The following PTPRE variants were observed in gnomAD, a reference collection of about 807,000 sequenced individuals.
PTPRE encodes the protein receptor-type tyrosine-protein phosphatase epsilon.
Under a neutral mutation model 102.0 loss-of-function variants are expected in PTPRE, and 51 were observed. The ratio of observed to expected loss-of-function variants is 0.50; its 90% CI spans 0.40 to 0.63. PTPRE has a LOEUF of 0.63. PTPRE is among the 30% of genes least tolerant of loss of function. The pLI is 0.00. For synonymous variants in PTPRE, 345 were observed against 348.2 expected, an observed-to-expected ratio of 0.99 and a Z score of 0.10; for missense variants, 752 against 915.1, an observed-to-expected ratio of 0.82 and a Z score of 2.30.
At chr10:128,082,195 CTTTTTTTTTTT>C (rs35709074) in intron 20 of PTPRE, among the ~76,000 whole-genome samples, 3,101 of 89,120 alleles carry the variant, frequency 0.035, 429 homozygotes, top group African/African-American at 0.13. Flanking sequence ...TTTTCTCTTT[CTTTTTTTTTTT>C]TTTTTTTTTT....
intron 1 of PTPRE, among the ~76,000 whole-genome samples, chr10:127,923,022 T>C (rs1329717525): frequency 1.3e-5 from 2 of 152,224 alleles, no homozygotes; most frequent in Non-Finnish European, 2.9e-5. Context: ...CAGTGGCAGC[T>C]CTGTGGGCAG....
At chr10:127,989,841 G>A (rs1852454237) in intron 2 of PTPRE, among the ~76,000 whole-genome samples, 1 of 152,196 alleles carries the variant, frequency 6.6e-6, no homozygotes, top group South Asian at 2.1e-4. Flanking sequence ...ATTTCTGCAT[G>A]TTATCTGCTG....
intron 2 of PTPRE, among the ~76,000 whole-genome samples, chr10:127,996,644 T>C (rs1212982025): frequency 6.6e-6 from 1 of 152,174 alleles, no homozygotes; most frequent in Non-Finnish European, 1.5e-5. Context: ...CAGCCTTGTT[T>C]CATGTCAGCA....
intron 1 of PTPRE, among the ~76,000 whole-genome samples, chr10:127,943,603 C>T (rs1848405741): frequency 6.6e-6 from 1 of 152,226 alleles, no homozygotes; most frequent in African/African-American, 2.4e-5. Flanking sequence ...ACCCCAAGCC[C>T]CAGAAGTTCT....
intron 2 of PTPRE, among the ~76,000 whole-genome samples, chr10:128,027,245 G>T (rs574093913): frequency 2.0e-5 from 3 of 152,356 alleles, no homozygotes; most frequent in Admixed American, 6.5e-5. Flanking sequence ...ATTAACTCTG[G>T]CCTTGCTGGC....
At chr10:127,994,227 A>G (rs1025935426) in intron 2 of PTPRE, among the ~76,000 whole-genome samples, 1 of 152,224 alleles carries the variant, frequency 6.6e-6, no homozygotes, top group Non-Finnish European at 1.5e-5. Context: ...GGTCCTGCCC[A>G]TGGTGACTGG....
At chr10:127,942,017 G>T (rs1848281726) in intron 1 of PTPRE, among the ~76,000 whole-genome samples, 1 of 150,764 alleles carries the variant, frequency 6.6e-6, no homozygotes, top group African/African-American at 2.5e-5. Context: ...TATCTGCAGA[G>T]CTGAATGTCT....
chr10:127,988,541 G>C (rs1852319377), intron 2 of PTPRE, among the ~76,000 whole-genome samples: 1 of 152,108 alleles, frequency 6.6e-6, no homozygotes, highest in Non-Finnish European at 1.5e-5. Context: ...CTGACCTCAG[G>C]TGATCCGCCC....
chr10:127,983,443 T>A (rs766066581), intron 2 of PTPRE, among the ~76,000 whole-genome samples: 1 of 152,166 alleles, frequency 6.6e-6, no homozygotes, highest in Non-Finnish European at 1.5e-5. Flanking sequence ...AGAAGGATCG[T>A]TACTGGAATC....
chr10:128,069,627 G>T (rs892337848), intron 12 of PTPRE, 65 bp from the exon 13 acceptor site: 6 of 1,597,326 alleles, frequency 3.8e-6, no homozygotes, highest in Non-Finnish European at 5.1e-6. Context: ...AGGCCCCTTC[G>T]GGGCCTTTCA....
At chr10:127,984,389 A>G (rs2135476520) in intron 2 of PTPRE, among the ~76,000 whole-genome samples, 1 of 152,052 alleles carries the variant, frequency 6.6e-6, no homozygotes. Flanking sequence ...CCCTGCCTCC[A>G]TTTCAGTGGG....
chr10:128,070,183 C>A lies in PTPRE; in HGVS notation c.1144-118C>A. On this transcript the variant is annotated intron_variant, in intron 13 of 20. Coordinates refer to ENST00000254667, the MANE Select transcript of PTPRE (RefSeq NM_006504.6). This position sits in a 1 kb window ranked among gnomAD's most constrained non-coding sequence, Gnocchi z 4.8. ...GTACTCTGACTCTTGCCTCACACCTCCTTGTGTTGGCAAAAAGAGAAAAAG... is the reference window on the plus strand; with the variant it reads ...GTACTCTGACTCTTGCCTCACACCTACTTGTGTTGGCAAAAAGAGAAAAAG... 2.4e-6 allele frequency: 3 copies of A among 1,240,034 alleles called. No homozygotes were observed. The highest frequency in any genetic ancestry group is 2.2e-6 in the Non-Finnish European group (2 of 896,736). 76.8% of individuals were successfully genotyped at this position (1,240,034 alleles called of 1,614,324 possible).
chr10:128,004,206 T>C (rs1854278715), intron 2 of PTPRE, among the ~76,000 whole-genome samples: 1 of 151,196 alleles, frequency 6.6e-6, no homozygotes, highest in Admixed American at 6.6e-5. Context: ...CATGGGGATC[T>C]TGGATGCCAG....
chr10:127,925,647 C>T (rs187620051), intron 1 of PTPRE, among the ~76,000 whole-genome samples: 3 of 152,322 alleles, frequency 2.0e-5, no homozygotes, highest in East Asian at 3.9e-4. Flanking sequence ...GGCCACTGAG[C>T]CTGCTAGGCC....
At chr10:128,035,223 G>A (rs781182618) in intron 2 of PTPRE, among the ~76,000 whole-genome samples, 2 of 151,964 alleles carry the variant, frequency 1.3e-5, no homozygotes, top group Admixed American at 6.6e-5. Flanking sequence ...AGCTCAAAGC[G>A]ATCTGTCGGC....
At chr10:128,018,836 T>C (rs951743372) in intron 2 of PTPRE, among the ~76,000 whole-genome samples, 6 of 151,848 alleles carry the variant, frequency 4.0e-5, no homozygotes, top group Non-Finnish European at 7.4e-5. Flanking sequence ...CCAGTCCCCA[T>C]CTCTCACACT....
intron 1 of PTPRE, among the ~76,000 whole-genome samples, chr10:127,915,818 A>T (rs537586045): frequency 6.6e-6 from 1 of 152,072 alleles, no homozygotes; most frequent in Non-Finnish European, 1.5e-5. Flanking sequence ...TAGAGGATCT[A>T]TAACTTATGA....
intron 2 of PTPRE, chr10:127,999,525 A>C: frequency 2.0e-6 from 2 of 985,474 alleles, no homozygotes; most frequent in Non-Finnish European, 2.4e-6. Context: ...AGCTCAGTGC[A>C]CAGAAGCATT....
chr10:128,049,049 T>A (rs752124727), intron 5 of PTPRE, among the ~76,000 whole-genome samples: 1 of 152,064 alleles, frequency 6.6e-6, no homozygotes, highest in Non-Finnish European at 1.5e-5. Context: ...CCTTGGAGCT[T>A]ATGGGGTTTG....
Sources: gnomAD v4.1 joint callset for allele counts (sites outside exome capture counted in the v4.1 genomes callset) on GRCh38, gnomAD v4.1.1 for gene constraint, Gnocchi (gnomAD v3.1) non-coding constraint, MANE v1.5 for transcripts, NCBI Gene and HGNC (gene_info 2026-07-23, HGNC 2026-07-21) for gene names.